The following ANKS1B variants were observed in gnomAD, a reference collection of about 807,000 sequenced individuals.
The protein encoded by ANKS1B is ankyrin repeat and sterile alpha motif domain containing 1B.
Under a neutral mutation model 148.3 loss-of-function variants are expected in ANKS1B, and 36 were observed. The ratio of observed to expected loss-of-function variants is 0.24; its 90% confidence interval spans 0.19 to 0.32. The LOEUF (loss-of-function observed/expected upper bound fraction) is 0.32. Among genes scored for constraint, ANKS1B ranks in the 10% least tolerant of loss-of-function variants. The pLI, the probability that ANKS1B is intolerant of heterozygous loss-of-function variation, is 1.00. For synonymous variants in ANKS1B, 542 were observed against 560.8 expected, an observed-to-expected ratio of 0.97 and a Z score of 0.47; for missense variants, 1,157 against 1,542.6, an observed-to-expected ratio of 0.75 and a Z score of 4.19.
intron 17 of ANKS1B, among the ~76,000 whole-genome samples, chr12:98,994,735 G>A (rs552791187): frequency 1.3e-5 from 2 of 152,244 alleles, no homozygotes; most frequent in East Asian, 3.9e-4. Context: ...CCTTCTCCCT[G>A]TGTTTTCACA....
intron 16 of ANKS1B, among the ~76,000 whole-genome samples, chr12:99,079,193 T>A (rs1278721143): frequency 2.0e-5 from 3 of 152,210 alleles, no homozygotes; most frequent in African/African-American, 7.2e-5. Context: ...CCTGGATTCC[T>A]GACCCACAGA....
intron 9 of ANKS1B, among the ~76,000 whole-genome samples, chr12:99,597,396 A>G (rs1410975462): frequency 1.3e-5 from 2 of 152,008 alleles, no homozygotes; most frequent in African/African-American, 4.8e-5. Context: ...AAATTCAACT[A>G]AGATTAAACA....
At chr12:99,653,883 T>A (rs2153442493) in intron 9 of ANKS1B, among the ~76,000 whole-genome samples, 1 of 152,044 alleles carries the variant, frequency 6.6e-6, no homozygotes, top group South Asian at 2.1e-4. Flanking sequence ...AGGCTGGTCT[T>A]GAACTTCTGG....
intron 8 of ANKS1B, among the ~76,000 whole-genome samples, chr12:99,675,347 A>G (rs920686854): frequency 2.6e-5 from 4 of 152,072 alleles, no homozygotes; most frequent in African/African-American, 9.6e-5. Flanking sequence ...AAATTAGAGT[A>G]TATCTATGTA....
rs1037078127 is a variant in ANKS1B, at chr12:99,473,086, A to C, written c.1439-29277T>G. On this transcript the variant is annotated intron_variant, in intron 10 of 26. Coordinates refer to ENST00000683438, the MANE Select transcript of ANKS1B (RefSeq NM_001352186.2). The stretch of plus-strand genomic sequence containing the variant: ...ACAAACCTATTTCCATGTTGCCTTC[A>C]TGAGTTAATCACCATCCTGAAGTTG... 5.9e-4 allele frequency among the ~76,000 whole-genome samples: 89 copies of C among 151,990 alleles called. 1 individual carries two copies. The highest frequency in any genetic ancestry group is 2.5e-4 in the Non-Finnish European group (17 of 67,904).
intron 17 of ANKS1B, among the ~76,000 whole-genome samples, chr12:98,837,175 CA>C (rs11382425): frequency 4.2e-4 from 61 of 145,682 alleles, no homozygotes; most frequent in African/African-American, 1.1e-3. Context: ...ATTAAAAATA[CA>C]AAAAAAAAAA....
chr12:99,754,579 T>C (rs1273164789), intron 8 of ANKS1B, among the ~76,000 whole-genome samples: 1 of 152,146 alleles, frequency 6.6e-6, no homozygotes, highest in African/African-American at 2.4e-5. Context: ...TACTCTAAAA[T>C]TGATCACATA....
intron 9 of ANKS1B, among the ~76,000 whole-genome samples, chr12:99,536,931 G>T (rs542629332): frequency 6.6e-6 from 1 of 152,106 alleles, no homozygotes; most frequent in East Asian, 1.9e-4. Context: ...CCAGCCTCTG[G>T]TAACCATCCT....
At chr12:98,919,443 C>T (rs527972736) in intron 17 of ANKS1B, among the ~76,000 whole-genome samples, 1 of 152,298 alleles carries the variant, frequency 6.6e-6, no homozygotes, top group African/African-American at 2.4e-5. Context: ...CATTTGTGCT[C>T]TGTATACAAC....
chr12:99,498,507 C>A (rs1421652397), intron 10 of ANKS1B, among the ~76,000 whole-genome samples: 2 of 152,276 alleles, frequency 1.3e-5, no homozygotes, highest in East Asian at 3.9e-4. Flanking sequence ...GTAGCACTTC[C>A]TCCCACAAGC....
intron 14 of ANKS1B, among the ~76,000 whole-genome samples, chr12:99,194,579 G>T (rs1175247566): frequency 6.6e-6 from 1 of 152,036 alleles, no homozygotes; most frequent in East Asian, 1.9e-4. Context: ...AAACTCTTAA[G>T]AGGCCAATCA....
rs369615240 is a variant in ANKS1B at position 98,762,471 on chromosome 12, C to T, written c.3579+10571G>A. The stretch of plus-strand genomic sequence containing the variant: ...AGCTAGAGCTCAGAGAGGCAGTCAC[C>T]ACCAACGGGCTGCCCTTCATCTCAG... On this transcript the variant is annotated intron_variant, in intron 25 of 26. Coordinates refer to ENST00000683438, the MANE Select transcript of ANKS1B (RefSeq NM_001352186.2). Among the ~76,000 whole-genome samples the T allele has an allele frequency of 1.8e-4, 27 of 152,348 alleles. 1 individual carries two copies. The highest frequency in any genetic ancestry group is 6.5e-4 in the African/African-American group (27 of 41,578).
intron 17 of ANKS1B, among the ~76,000 whole-genome samples, chr12:98,889,127 A>G (rs996412379): frequency 6.6e-6 from 1 of 152,222 alleles, no homozygotes; most frequent in Admixed American, 6.5e-5. Context: ...TTCAATATCA[A>G]GCCTAGCTCA....
Position 99,461,464 on chromosome 12 carries a change from C to A in ANKS1B, c.1439-17655G>T, listed in dbSNP as rs183601592. Among the ~76,000 whole-genome samples, 641 of 152,140 alleles carry A rather than the reference C, an allele frequency of 4.2e-3. 4 individuals carry two copies. The highest frequency in any genetic ancestry group is 0.015 in the African/African-American group (614 of 41,524). ...GAAGAAGAAAATGAACTTGCTAAAT[C>A]CCTGAATAAAATATCACAGTAGTTG... is the stretch of plus-strand genomic sequence containing the variant. On this transcript the variant is annotated intron_variant, in intron 10 of 26. Coordinates refer to ENST00000683438, the MANE Select transcript of ANKS1B (RefSeq NM_001352186.2).
intron 9 of ANKS1B, among the ~76,000 whole-genome samples, chr12:99,644,191 C>T (rs1418569995): frequency 1.3e-5 from 2 of 152,118 alleles, no homozygotes; most frequent in Non-Finnish European, 2.9e-5. Flanking sequence ...AATATAATTC[C>T]TCTAGACTAT....
intron 8 of ANKS1B, among the ~76,000 whole-genome samples, chr12:99,677,614 C>T (rs2098585400): frequency 6.6e-6 from 1 of 152,070 alleles, no homozygotes; most frequent in South Asian, 2.1e-4. Context: ...TCAAAATGAC[C>T]CAGTCAAATC....
chr12:98,901,429 C>T (rs766215945), intron 17 of ANKS1B, among the ~76,000 whole-genome samples: 4 of 152,118 alleles, frequency 2.6e-5, no homozygotes, highest in Non-Finnish European at 5.9e-5. Flanking sequence ...GAAACATGGC[C>T]CACATGGCTA....
intron 22 of ANKS1B, among the ~76,000 whole-genome samples, chr12:98,787,287 G>A (rs1364024089): frequency 2.0e-5 from 3 of 152,106 alleles, no homozygotes; most frequent in Non-Finnish European, 4.4e-5. Context: ...CCACTTTCTG[G>A]GGAAAGGCTT....
intron 8 of ANKS1B, among the ~76,000 whole-genome samples, chr12:99,656,888 G>A (rs1200019358): frequency 6.6e-6 from 1 of 152,126 alleles, no homozygotes; most frequent in East Asian, 1.9e-4. Context: ...ATATTGGATT[G>A]TAAATAGCAT....
Sources: allele counts gnomAD v4.1 joint callset (sites outside exome capture counted in the v4.1 genomes callset), GRCh38; gene constraint gnomAD v4.1.1; transcripts MANE v1.5; gene names NCBI Gene and HGNC (gene_info 2026-07-23, HGNC 2026-07-21).